The following KIAA1217 variants were observed in gnomAD, a reference collection of about 807,000 sequenced individuals.
KIAA1217 encodes the protein sickle tail protein homolog.
Under a neutral mutation model 163.9 loss-of-function variants are expected in KIAA1217, and 88 were observed. That is an observed-to-expected ratio of 0.54 (90% CI 0.45 to 0.64). The LOEUF (loss-of-function observed/expected upper bound fraction) is 0.64. Ranked by LOEUF, KIAA1217 falls within the 30% of genes least tolerant of loss-of-function variation. The pLI is 0.00. For missense variants in KIAA1217, 2,372 were observed against 2,475.0 expected (o/e 0.96, Z 0.88); for synonymous variants, 903 against 923.1 (o/e 0.98, Z 0.39).
At chr10:23,696,712 T>C (rs1836068140) in intron 1 of KIAA1217, among the ~76,000 whole-genome samples, 1 of 152,204 alleles carries the variant, frequency 6.6e-6, no homozygotes, top group African/African-American at 2.4e-5. Flanking sequence ...AGGTGCTACC[T>C]GGTTTTAACC....
chr10:24,404,589 A>C (rs948177778), intron 3 of KIAA1217, among the ~76,000 whole-genome samples: 3 of 151,062 alleles, frequency 2.0e-5, no homozygotes, highest in Non-Finnish European at 4.4e-5. Context: ...AAAAAAAAAA[A>C]AAAACTGAAA....
At chr10:23,743,424 G>T (rs1839227830) in intron 1 of KIAA1217, among the ~76,000 whole-genome samples, 1 of 152,084 alleles carries the variant, frequency 6.6e-6, no homozygotes, top group African/African-American at 2.4e-5. Flanking sequence ...GCATTTAAAT[G>T]GATTTCACAT....
chr10:23,856,602 T>A (rs1839681007), intron 1 of KIAA1217, among the ~76,000 whole-genome samples: 1 of 152,268 alleles, frequency 6.6e-6, no homozygotes, highest in Non-Finnish European at 1.5e-5. Context: ...GTCTGTGACC[T>A]GTGCCCAGAG....
At chr10:24,261,690 G>A (rs1236906866) in intron 2 of KIAA1217, among the ~76,000 whole-genome samples, 6 of 152,074 alleles carry the variant, frequency 3.9e-5, no homozygotes, top group East Asian at 3.9e-4. Context: ...TCCTCTTGTC[G>A]GGGAAAAAAG....
At chr10:24,425,973 T>G (rs2059137261) in intron 3 of KIAA1217, among the ~76,000 whole-genome samples, 1 of 152,240 alleles carries the variant, frequency 6.6e-6, no homozygotes, top group Non-Finnish European at 1.5e-5. Context: ...AGTTGAAAAC[T>G]TATTTCCCAT....
intron 1 of KIAA1217, among the ~76,000 whole-genome samples, chr10:23,935,194 C>T (rs1473602620): frequency 3.3e-5 from 5 of 152,074 alleles, no homozygotes; most frequent in South Asian, 2.1e-4. Flanking sequence ...TGGCACCTTC[C>T]GTGTGTGGAA....
At chr10:24,236,648 T>TTTTA (rs1290591300) in intron 2 of KIAA1217, among the ~76,000 whole-genome samples, 1 of 144,528 alleles carries the variant, frequency 6.9e-6, no homozygotes, top group Non-Finnish European at 1.5e-5. Flanking sequence ...CAGTGAGGAG[T>TTTTA]TTTTTTTTTT....
chr10:24,408,067 G>T (rs2057401343), intron 3 of KIAA1217, among the ~76,000 whole-genome samples: 1 of 152,116 alleles, frequency 6.6e-6, no homozygotes, highest in Admixed American at 6.6e-5. Context: ...GACAGCCTGG[G>T]ATCATGTCCC....
At chr10:23,849,413 A>G (rs1348643058) in intron 1 of KIAA1217, among the ~76,000 whole-genome samples, 3 of 152,022 alleles carry the variant, frequency 2.0e-5, no homozygotes, top group Non-Finnish European at 4.4e-5. Context: ...AGGACCCTAG[A>G]TCTGTGTTGA....
At chr10:24,457,351 T>TGC (rs2061902936) in intron 5 of KIAA1217, among the ~76,000 whole-genome samples, 1 of 151,662 alleles carries the variant, frequency 6.6e-6, no homozygotes, top group African/African-American at 2.4e-5. Flanking sequence ...GTTTTGTGTG[T>TGC]GTGTGTGTGT....
chr10:23,850,930 A>G (rs1232863602), intron 1 of KIAA1217, among the ~76,000 whole-genome samples: 2 of 152,038 alleles, frequency 1.3e-5, no homozygotes, highest in Admixed American at 6.6e-5. Flanking sequence ...ACTCACTATC[A>G]ATGAGAACAG....
chr10:24,347,722 A>T (rs1453685043), intron 2 of KIAA1217, among the ~76,000 whole-genome samples: 2 of 152,258 alleles, frequency 1.3e-5, no homozygotes, highest in Non-Finnish European at 2.9e-5. Flanking sequence ...ACATTAAAAG[A>T]TACAACAAAT....
intron 2 of KIAA1217, among the ~76,000 whole-genome samples, chr10:24,164,476 C>A (rs956523095): frequency 3.3e-5 from 5 of 152,146 alleles, no homozygotes; most frequent in Admixed American, 1.3e-4. Flanking sequence ...AGAGAGGTAA[C>A]CCCATCTATC....
chr10:23,929,953 A>C (rs1231114436), intron 1 of KIAA1217, among the ~76,000 whole-genome samples: 1 of 152,112 alleles, frequency 6.6e-6, no homozygotes, highest in Non-Finnish European at 1.5e-5. Context: ...TTTTTTGGGA[A>C]ATCTCTGAGC....
intron 1 of KIAA1217, among the ~76,000 whole-genome samples, chr10:23,979,842 T>C (rs1845692087): frequency 6.6e-6 from 1 of 152,212 alleles, no homozygotes. Flanking sequence ...CTGATTTCAA[T>C]TGATTTTCTT....
Position 24,494,620 on chromosome 10 carries a change from G to A in KIAA1217, c.1784+16G>A, listed in dbSNP as rs192574942. 232 of 1,491,814 alleles carry A rather than the reference G, an allele frequency of 1.6e-4. 2 individuals carry two copies. The African/African-American group carries it at 2.7e-3, about 17-fold the overall frequency. 92.4% of individuals were successfully genotyped at this position (1,491,814 alleles called of 1,614,324 possible). ...ATGCGTCTAGGTAAAAAAGAAGAAAGCCAATGAAAAAAATAATTCAATCTG... is the reference window on the plus strand; with the variant it reads ...ATGCGTCTAGGTAAAAAAGAAGAAAACCAATGAAAAAAATAATTCAATCTG... On this transcript the variant is annotated intron_variant, in intron 7 of 20. Coordinates refer to ENST00000376454, the MANE Select transcript of KIAA1217 (RefSeq NM_019590.5).
At chr10:24,520,649 AAAATATAT>A (rs1234269185) in intron 11 of KIAA1217, among the ~76,000 whole-genome samples, 1 of 67,764 alleles carries the variant, frequency 1.5e-5, no homozygotes. Context: ...AAAAAAAAAA[AAAATATAT>A]ATATATATAT....
At chr10:24,496,996 G>A (rs1277046969) in intron 8 of KIAA1217, among the ~76,000 whole-genome samples, 1 of 152,178 alleles carries the variant, frequency 6.6e-6, no homozygotes, top group East Asian at 1.9e-4. Context: ...TGAGCACGTG[G>A]ACTCACTCCC....
At chr10:24,023,451 T>G (rs1381948411) in intron 2 of KIAA1217, among the ~76,000 whole-genome samples, 1 of 151,662 alleles carries the variant, frequency 6.6e-6, no homozygotes, top group African/African-American at 2.4e-5. Flanking sequence ...GTAAGTGGGC[T>G]TTTTTCAACC....
Sources: gnomAD v4.1 joint callset for allele counts (sites outside exome capture counted in the v4.1 genomes callset) on GRCh38, gnomAD v4.1.1 for gene constraint, MANE v1.5 for transcripts, NCBI Gene and HGNC (gene_info 2026-07-23, HGNC 2026-07-21) for gene names.